WLS: variants seen among roughly 807,000 people sequenced by gnomAD.
WLS encodes the protein protein wntless homolog.
In WLS, 23 loss-of-function variants were observed where a neutral mutation model predicts 62.8. The observed-to-expected ratio is 0.37, with a 90% CI of 0.26 to 0.52. The LOEUF is 0.52. WLS is among the 20% of genes least tolerant of loss of function. The pLI, the probability that WLS is intolerant of heterozygous loss-of-function variation, is 0.92. For missense variants in WLS, 615 were observed against 697.3 expected (o/e 0.88, Z 1.33); for synonymous variants, 246 against 244.1 (o/e 1.01, Z -0.07).
chr1:68,213,915 C>G (rs921805930), intron 1 of WLS, among the ~76,000 whole-genome samples: 1 of 152,138 alleles, frequency 6.6e-6, no homozygotes, highest in African/African-American at 2.4e-5. Flanking sequence ...CCAAAGAAAC[C>G]TCGAGTCATC....
At chr1:68,168,896 C>G (rs1185527156) in intron 2 of WLS, among the ~76,000 whole-genome samples, 2 of 152,214 alleles carry the variant, frequency 1.3e-5, no homozygotes, top group Non-Finnish European at 1.5e-5. Context: ...AAAACCAACC[C>G]TGTCTTATAC....
intron 2 of WLS, among the ~76,000 whole-genome samples, chr1:68,191,907 G>A (rs975592959): frequency 6.6e-5 from 10 of 151,608 alleles, no homozygotes; most frequent in South Asian, 4.2e-4. Flanking sequence ...AACTCTCCCC[G>A]CCAACACACA....
At chr1:68,231,258 CAG>C (rs973720396) in intron 1 of WLS, among the ~76,000 whole-genome samples, 9 of 152,100 alleles carry the variant, frequency 5.9e-5, no homozygotes, top group Non-Finnish European at 1.3e-4. Context: ...CTGTTTGACT[CAG>C]AGAGGTCCGG....
intron 1 of WLS, among the ~76,000 whole-genome samples, chr1:68,198,600 G>A (rs1165138621): frequency 6.6e-6 from 1 of 152,104 alleles, no homozygotes; most frequent in South Asian, 2.1e-4. Context: ...GTCCAAATTT[G>A]TCTTGAGTAT....
intron 11 of WLS, among the ~76,000 whole-genome samples, chr1:68,104,060 A>G (rs905302223): frequency 1.3e-5 from 2 of 152,146 alleles, no homozygotes; most frequent in African/African-American, 4.8e-5. Context: ...AACTATCCAG[A>G]CCGTTGAAGA....
intron 2 of WLS, among the ~76,000 whole-genome samples, chr1:68,188,182 A>G (rs935585604): frequency 6.6e-6 from 1 of 152,224 alleles, no homozygotes; most frequent in Non-Finnish European, 1.5e-5. Flanking sequence ...TACTACTCCT[A>G]TAGTCAATTC....
At chr1:68,177,096 T>A (rs184881194) in intron 2 of WLS, among the ~76,000 whole-genome samples, 4 of 152,336 alleles carry the variant, frequency 2.6e-5, no homozygotes, top group Non-Finnish European at 4.4e-5. Flanking sequence ...ATGTTTATAG[T>A]CAAATATAAT....
intron 11 of WLS, among the ~76,000 whole-genome samples, chr1:68,135,936 C>G (rs1466918399): frequency 6.6e-6 from 1 of 152,184 alleles, no homozygotes; most frequent in Non-Finnish European, 1.5e-5. Context: ...AGCCTTCTAG[C>G]AAAACAGTCA....
chr1:68,113,964 A>G (rs183110636), intron 11 of WLS, among the ~76,000 whole-genome samples: 1 of 152,334 alleles, frequency 6.6e-6, no homozygotes, highest in Non-Finnish European at 1.5e-5. Context: ...TAAAAATCCA[A>G]TGCTACTCAA....
chr1:68,148,281 T>C, intron 7 of WLS, 82 bp from the exon 8 acceptor site: 2 of 1,454,536 alleles, frequency 1.4e-6, no homozygotes, highest in Non-Finnish European at 1.9e-6. Context: ...ATTCTTAGCT[T>C]TTCAGCTGCA....
chr1:68,183,789 A>G (rs1447825909), intron 2 of WLS, among the ~76,000 whole-genome samples: 1 of 152,136 alleles, frequency 6.6e-6, no homozygotes, highest in Non-Finnish European at 1.5e-5. Flanking sequence ...CAGGACACTC[A>G]GCCATCTAAC....
chr1:68,167,723 T>C (rs1044251821), intron 2 of WLS, among the ~76,000 whole-genome samples: 1 of 152,206 alleles, frequency 6.6e-6, no homozygotes, highest in Non-Finnish European at 1.5e-5. Context: ...CCATAGGTCC[T>C]ATGGGCTAGC....
chr1:68,171,578 G>C (rs1168634213), intron 2 of WLS, among the ~76,000 whole-genome samples: 1 of 152,210 alleles, frequency 6.6e-6, no homozygotes, highest in South Asian at 2.1e-4. Flanking sequence ...ATCATCACTG[G>C]TCATCAGAGA....
At chr1:68,104,357 T>C (rs532485917) in intron 11 of WLS, among the ~76,000 whole-genome samples, 74 of 152,292 alleles carry the variant, frequency 4.9e-4, no homozygotes, top group African/African-American at 1.7e-3. Flanking sequence ...GGGAGGTCAT[T>C]GTGCTCTCTT....
intron 2 of WLS, among the ~76,000 whole-genome samples, chr1:68,171,813 G>T (rs947697812): frequency 1.3e-5 from 2 of 152,138 alleles, no homozygotes; most frequent in Admixed American, 6.5e-5. Context: ...CCATTACTGG[G>T]TATATACCCA....
intron 11 of WLS, among the ~76,000 whole-genome samples, chr1:68,118,449 T>C (rs540592855): frequency 6.6e-6 from 1 of 152,320 alleles, no homozygotes; most frequent in Admixed American, 6.5e-5. Context: ...CCATGATAAA[T>C]GCTTTTCTGT....
At chr1:68,130,691 G>A (rs1336009583) in intron 11 of WLS, among the ~76,000 whole-genome samples, 3 of 152,036 alleles carry the variant, frequency 2.0e-5, no homozygotes, top group African/African-American at 7.3e-5. Context: ...TACATTTTTG[G>A]TGTTAATATG....
chr1:68,119,857 T>A (rs752132962), intron 11 of WLS, among the ~76,000 whole-genome samples: 22 of 152,334 alleles, frequency 1.4e-4, no homozygotes, highest in Admixed American at 3.9e-4. Context: ...ATAACTCCTA[T>A]CTTGGCTGTT....
intron 2 of WLS, among the ~76,000 whole-genome samples, chr1:68,182,254 G>A (rs1177561170): frequency 6.6e-6 from 1 of 152,240 alleles, no homozygotes; most frequent in Non-Finnish European, 1.5e-5. Context: ...CACCAAGCCA[G>A]ATAGAGCTCT....
Sources: gnomAD v4.1 joint callset for allele counts (sites outside exome capture counted in the v4.1 genomes callset) on GRCh38, gnomAD v4.1.1 for gene constraint, MANE v1.5 for transcripts, NCBI Gene and HGNC (gene_info 2026-07-23, HGNC 2026-07-21) for gene names.